The following DPRX variants were observed in gnomAD, a reference collection of about 807,000 sequenced individuals.
DPRX encodes the protein divergent-paired related homeobox.
In DPRX, 11 loss-of-function variants were observed where a neutral mutation model predicts 8.4. The observed-to-expected ratio is 1.31, with a 90% CI of 0.82 to 2.17. DPRX has a LOEUF of 2.17. DPRX is among the 30% of genes most tolerant of loss of function. The pLI is 0.00. For synonymous variants in DPRX, 72 were observed against 87.0 expected, an observed-to-expected ratio of 0.83 and a Z score of 0.96; for missense variants, 211 against 236.7, an observed-to-expected ratio of 0.89 and a Z score of 0.71.
At chr19:53,615,926 A>G in the DPRX span, among the ~76,000 whole-genome samples, 119,257 of 151,226 alleles carry the variant, frequency 0.79, 47,366 homozygotes, top group African/African-American at 0.89. Flanking sequence ...AACATAGTGA[A>G]ACCCTTGTCT....
At chr19:53,607,421 G>T in the DPRX span, among the ~76,000 whole-genome samples, 1 of 152,116 alleles carries the variant, frequency 6.6e-6, no homozygotes, top group Non-Finnish European at 1.5e-5. Flanking sequence ...AGCTAGGTGT[G>T]GTGGTGCACA....
chr19:53,630,938 C>G (rs2091090291), upstream of DPRX, among the ~76,000 whole-genome samples: 1 of 151,792 alleles, frequency 6.6e-6, no homozygotes, highest in African/African-American at 2.4e-5. Flanking sequence ...CCTCTGCCTC[C>G]TGGGTTCAAG....
At chr19:53,603,595 C>T in the DPRX span, 3 of 339,162 alleles carry the variant, frequency 8.8e-6, no homozygotes, top group Admixed American at 3.7e-5. Context: ...CCCTGTTCAT[C>T]CAACATCAGA....
chr19:53,617,988 A>C, the DPRX span, among the ~76,000 whole-genome samples: 3 of 151,844 alleles, frequency 2.0e-5, no homozygotes, highest in Non-Finnish European at 2.9e-5. Context: ...AAATACAAAA[A>C]TTAGCCGGGC....
chr19:53,625,827 G>T, the DPRX span, among the ~76,000 whole-genome samples: 5 of 151,920 alleles, frequency 3.3e-5, no homozygotes, highest in African/African-American at 1.2e-4. Flanking sequence ...TAGTAGAGAC[G>T]GGGTTTCACC....
the DPRX span, among the ~76,000 whole-genome samples, chr19:53,626,740 C>T: frequency 1.3e-5 from 2 of 152,150 alleles, no homozygotes; most frequent in African/African-American, 4.8e-5. Flanking sequence ...TTACTCTCTC[C>T]CAGGCTGGGG....
chr19:53,621,091 C>A, the DPRX span, among the ~76,000 whole-genome samples: 1 of 152,100 alleles, frequency 6.6e-6, no homozygotes, highest in Non-Finnish European at 1.5e-5. Flanking sequence ...TGCTACTGAA[C>A]AATCCTTGTG....
At chr19:53,613,732 G>A in the DPRX span, among the ~76,000 whole-genome samples, 2 of 151,898 alleles carry the variant, frequency 1.3e-5, no homozygotes, top group Admixed American at 6.6e-5. Context: ...CAAACGATGC[G>A]TTTGGAATCA....
At chr19:53,601,672 G>A in the DPRX span, among the ~76,000 whole-genome samples, 3 of 151,860 alleles carry the variant, frequency 2.0e-5, no homozygotes, top group Admixed American at 2.0e-4. Context: ...AGTAGAACCG[G>A]AATTTCACCA....
chr19:53,634,502 C>T (rs2091104871), intron 1 of DPRX, 29 bp from the exon 2 acceptor site: 2 of 1,596,626 alleles, frequency 1.3e-6, no homozygotes, highest in South Asian at 2.3e-5. Flanking sequence ...TAGCATTTCC[C>T]ATTTGTGTCT....
the DPRX span, among the ~76,000 whole-genome samples, chr19:53,602,702 T>C: frequency 6.6e-6 from 1 of 151,860 alleles, no homozygotes; most frequent in Non-Finnish European, 1.5e-5. Context: ...GCTCGGCTAA[T>C]TTTTGTATTT....
intron 1 of DPRX, among the ~76,000 whole-genome samples, 185 bp from the exon 2 acceptor site, chr19:53,634,346 G>A (rs992927047): frequency 5.9e-5 from 9 of 152,114 alleles, no homozygotes; most frequent in Non-Finnish European, 1.0e-4. Context: ...CAGGAGAATC[G>A]CTTGAACTCA....
chr19:53,617,204 C>G, the DPRX span: 1 of 898,366 alleles, frequency 1.1e-6, no homozygotes, highest in Non-Finnish European at 1.9e-6. Context: ...GAGTTTTTTT[C>G]ACGGCTAGAG....
the DPRX span, chr19:53,606,321 A>T: frequency 0.024 from 3,609 of 152,382 alleles, 146 homozygotes; most frequent in African/African-American, 0.081. This position sits in a 1 kb window ranked among gnomAD's most constrained non-coding sequence, Gnocchi z 4.8. Context: ...AGGAAGCAAG[A>T]GGGACTGGGG....
chr19:53,617,846 T>G, the DPRX span, among the ~76,000 whole-genome samples: 1 of 151,952 alleles, frequency 6.6e-6, no homozygotes, highest in Non-Finnish European at 1.5e-5. Flanking sequence ...TTTATTTCTT[T>G]AAGAAAATAC....
chr19:53,616,799 C>T, the DPRX span: 2 of 1,585,946 alleles, frequency 1.3e-6, no homozygotes, highest in African/African-American at 2.7e-5. Flanking sequence ...CTTGCTGCCA[C>T]CAACATGGAG....
At chr19:53,631,533 C>T (rs550925798), upstream of DPRX, among the ~76,000 whole-genome samples, 5 of 152,078 alleles carry the variant, frequency 3.3e-5, no homozygotes, top group Admixed American at 1.3e-4. Context: ...CAGACCGAGT[C>T]AGAAACGTTG....
upstream of DPRX, among the ~76,000 whole-genome samples, chr19:53,627,682 G>A (rs1011693266): frequency 2.0e-5 from 3 of 150,072 alleles, no homozygotes; most frequent in Non-Finnish European, 4.4e-5. Context: ...CAGGTGATCC[G>A]CCCACCTCGG....
intron 2 of DPRX, among the ~76,000 whole-genome samples, chr19:53,635,472 G>A (rs2091108557): frequency 2.0e-5 from 3 of 152,070 alleles, no homozygotes; most frequent in South Asian, 2.1e-4. Flanking sequence ...TCCCAAGTAG[G>A]TGGGACTACA....
Sources: allele counts gnomAD v4.1 joint callset (sites outside exome capture counted in the v4.1 genomes callset), GRCh38; gene constraint gnomAD v4.1.1; non-coding constraint Gnocchi (gnomAD v3.1); transcripts MANE v1.5; gene names NCBI Gene and HGNC (gene_info 2026-07-23, HGNC 2026-07-21).